The following DGKI variants were observed in gnomAD, a reference collection of about 807,000 sequenced individuals.
DGKI encodes DAG kinase iota.
DGKI carries 55 observed loss-of-function variants against 147.5 expected under a neutral mutation model. The observed-to-expected ratio is 0.37, with a 90% CI of 0.30 to 0.47. The LOEUF is 0.47. DGKI is among the 20% of genes least tolerant of loss of function. The pLI is 1.00. For missense variants in DGKI, 1,007 were observed against 1,323.8 expected (o/e 0.76, Z 3.71); for synonymous variants, 469 against 477.1 (o/e 0.98, Z 0.22).
At chr7:137,710,538 A>G (rs1341492324) in intron 1 of DGKI, among the ~76,000 whole-genome samples, 1 of 152,180 alleles carries the variant, frequency 6.6e-6, no homozygotes, top group Non-Finnish European at 1.5e-5. Flanking sequence ...ACACTTTACA[A>G]CAAATGTTCC....
Position 137,638,640 on chromosome 7 carries a change from A to ACACATATATGTATGTATATG in DGKI, c.804+6831_804+6832insCATATACATACATATATGTG, listed in dbSNP as rs1563126057. ...CACACACATATATATGTGTGTATAT[A>ACACATATATGTATGTATATG]TGTGTATGTATATACACACATATGT... On this transcript the variant is annotated intron_variant, in intron 6 of 32. Transcript: ENST00000614521. Among the ~76,000 whole-genome samples, 6 of 40,292 alleles carry ACACATATATGTATGTATATG rather than the reference A, an allele frequency of 1.5e-4. 1 individual carries two copies. Among genetic ancestry groups the ACACATATATGTATGTATATG allele is most frequent in the Admixed American group, 6.3e-4 (2 of 3,180 alleles). 26.4% of individuals were successfully genotyped at this position (40,292 alleles called of 152,430 possible). A position where few individuals can be genotyped will look rare whatever the true frequency, so the allele number is the denominator to read the frequency against.
chr7:137,762,591 T>A (rs1366456513), intron 1 of DGKI, among the ~76,000 whole-genome samples: 1 of 152,230 alleles, frequency 6.6e-6, no homozygotes, highest in East Asian at 1.9e-4. Flanking sequence ...GCTGCCTGAA[T>A]GTGGAACACC....
intron 19 of DGKI, among the ~76,000 whole-genome samples, chr7:137,564,127 C>G (rs1360714086): frequency 6.6e-6 from 1 of 152,052 alleles, no homozygotes; most frequent in African/African-American, 2.4e-5. Context: ...AGCAATTTTA[C>G]AGAAAAGGAA....
At chr7:137,635,725 C>T (rs1821286441) in intron 6 of DGKI, among the ~76,000 whole-genome samples, 1 of 152,176 alleles carries the variant, frequency 6.6e-6, no homozygotes, top group Non-Finnish European at 1.5e-5. Context: ...TGAGCACCAT[C>T]CACCAGACTC....
intron 21 of DGKI, among the ~76,000 whole-genome samples, chr7:137,517,283 G>GAAAGA (rs1816790916): frequency 1.9e-5 from 1 of 53,462 alleles, no homozygotes; most frequent in Non-Finnish European, 3.9e-5. Flanking sequence ...AAAAGAAAAA[G>GAAAGA]AAAGAAAGAA....
intron 28 of DGKI, among the ~76,000 whole-genome samples, chr7:137,430,727 G>A (rs935512058): frequency 1.3e-5 from 2 of 152,048 alleles, no homozygotes; most frequent in Admixed American, 1.3e-4. Flanking sequence ...ATTCGCATTG[G>A]TAGAAAAGCT....
At chr7:137,839,537 C>T (rs887420465) in intron 1 of DGKI, among the ~76,000 whole-genome samples, 2 of 152,158 alleles carry the variant, frequency 1.3e-5, no homozygotes, top group Admixed American at 6.5e-5. Context: ...AGGATGAGTA[C>T]TACTATCACT....
intron 19 of DGKI, 58 bp from the exon 20 acceptor site, chr7:137,552,626 A>C: frequency 7.0e-6 from 11 of 1,574,804 alleles, no homozygotes; most frequent in Non-Finnish European, 8.7e-6. Flanking sequence ...AGAAAGCTGG[A>C]GGCCAGGCGC....
chr7:137,768,876 G>T (rs1040707934), intron 1 of DGKI, among the ~76,000 whole-genome samples: 7 of 152,166 alleles, frequency 4.6e-5, no homozygotes, highest in Non-Finnish European at 1.5e-5. Flanking sequence ...CTTCATCAGA[G>T]AAAACACTTT....
At chr7:137,483,539 C>T (rs1479725360) in intron 23 of DGKI, among the ~76,000 whole-genome samples, 1 of 152,192 alleles carries the variant, frequency 6.6e-6, no homozygotes, top group East Asian at 1.9e-4. Context: ...CACCCATCAA[C>T]CCATACCCTA....
intron 21 of DGKI, among the ~76,000 whole-genome samples, chr7:137,502,331 G>C (rs566138061): frequency 9.2e-5 from 14 of 152,140 alleles, no homozygotes; most frequent in African/African-American, 2.9e-4. Context: ...TGCGATCTGG[G>C]AGTATGATCA....
intron 6 of DGKI, among the ~76,000 whole-genome samples, chr7:137,642,853 G>A (rs1285851341): frequency 6.8e-6 from 1 of 147,002 alleles, no homozygotes; most frequent in African/African-American, 2.5e-5. Context: ...CAAGCCATCA[G>A]TTGGAAAAAA....
intron 1 of DGKI, among the ~76,000 whole-genome samples, chr7:137,706,120 G>A (rs3800628): frequency 0.47 from 70,803 of 151,494 alleles, 17,501 homozygotes; most frequent in African/African-American, 0.63. Flanking sequence ...ATAATTTAAA[G>A]GATAATTTAA....
chr7:137,703,474 G>C (rs1424886759), intron 1 of DGKI, among the ~76,000 whole-genome samples: 1 of 152,226 alleles, frequency 6.6e-6, no homozygotes, highest in East Asian at 1.9e-4. Flanking sequence ...CAAACAGGAA[G>C]TGATGGCCAA....
chr7:137,675,512 C>T (rs1823001669), intron 3 of DGKI, among the ~76,000 whole-genome samples: 1 of 151,864 alleles, frequency 6.6e-6, no homozygotes, highest in African/African-American at 2.4e-5. Flanking sequence ...TGGTGAAACC[C>T]CGTCTCTACT....
chr7:137,418,657 T>A (rs1416117181), intron 28 of DGKI, among the ~76,000 whole-genome samples: 1 of 152,220 alleles, frequency 6.6e-6, no homozygotes, highest in Non-Finnish European at 1.5e-5. Context: ...TTTTTTTAGT[T>A]TTAAAAATAA....
chr7:137,731,216 T>C (rs1309455531), intron 1 of DGKI, among the ~76,000 whole-genome samples: 1 of 152,056 alleles, frequency 6.6e-6, no homozygotes. Context: ...ACATGAAACA[T>C]TTACCCTCTT....
chr7:137,571,220 A>G lies in DGKI; in HGVS notation c.1902T>C (p.His634=). Residue 634 remains histidine (H), a synonymous_variant, in exon 19 of 33, where the codon CAT becomes CAC. Transcript: ENST00000614521. ...GDHHDFEPQR[H]DDGYIEVIGF... ...CAATGACTTCAATATAACCATCATC[A>G]TGACGCTGAGGTTCGAAATCATGGT... 6.2e-7 allele frequency: 1 copy of G among 1,613,198 alleles called. No homozygotes were observed. Among genetic ancestry groups the G allele is most frequent in the Middle Eastern group, 1.6e-4 (1 of 6,062 alleles).
Position 137,571,284 on chromosome 7 carries a change from T to C in DGKI, c.1838A>G (p.Tyr613Cys). 6.2e-7 allele frequency: 1 copy of C among 1,608,000 alleles called. No individual in the cohort carries two copies. The highest frequency in any genetic ancestry group is 8.5e-7 in the Non-Finnish European group (1 of 1,176,462). The change falls in exon 19 of 33, where the codon TAT (tyrosine) becomes TGT (cysteine). Residue 613 changes from tyrosine to cysteine, a missense_variant and splice_region_variant. By Grantham distance (194) the Tyr-to-Cys change is radical. Transcript: ENST00000614521. ...TCCCCAGGGCATTGTGCCAGCACAA[T>C]ATCTGCAAGAGAAGATTAAAGACAG... is the stretch of plus-strand genomic sequence containing the variant. ...QCIVFLNIPRYCAGTMPWGNP... is the reference protein window; with the variant it reads ...QCIVFLNIPRCCAGTMPWGNP...
Sources: allele counts gnomAD v4.1 joint callset (sites outside exome capture counted in the v4.1 genomes callset), GRCh38; gene constraint gnomAD v4.1.1; transcripts MANE v1.5; gene names NCBI Gene and HGNC (gene_info 2026-07-23, HGNC 2026-07-21).